Variants in MMP26 observed in about 807,000 individuals in gnomAD.
The protein encoded by MMP26 is matrix metalloproteinase-26.
A neutral mutation model predicts 31.0 loss-of-function variants in MMP26; 33 were observed. That is an observed-to-expected ratio of 1.06 (90% CI 0.81 to 1.42). The LOEUF (loss-of-function observed/expected upper bound fraction) is 1.42. Ranked by LOEUF, MMP26 falls within the 40% of genes most tolerant of loss-of-function variation. The pLI is 0.00. For missense variants in MMP26, 347 were observed against 316.1 expected, an observed-to-expected ratio of 1.10 and a Z score of -0.74; for synonymous variants, 122 against 114.9, an observed-to-expected ratio of 1.06 and a Z score of -0.40.
At chr11:4,763,337 A>G (rs1030872249) in intron 1 of MMP26, among the ~76,000 whole-genome samples, 3 of 152,224 alleles carry the variant, frequency 2.0e-5, no homozygotes, top group African/African-American at 7.2e-5. Flanking sequence ...TTCAGTTTTC[A>G]GTTTTGATCA....
intron 2 of MMP26, chr11:4,882,196 C>T (rs1221969586): frequency 6.2e-7 from 1 of 1,613,884 alleles, no homozygotes; most frequent in South Asian, 1.1e-5. Flanking sequence ...TTAAAGCTTG[C>T]TTCATTCAAA....
intron 2 of MMP26, among the ~76,000 whole-genome samples, chr11:4,892,887 T>G (rs1463386225): frequency 6.6e-6 from 1 of 152,166 alleles, no homozygotes; most frequent in African/African-American, 2.4e-5. Context: ...TTAATATTAA[T>G]TTAACATCTA....
chr11:4,862,960 A>G (rs1165882815), intron 2 of MMP26, among the ~76,000 whole-genome samples: 1 of 152,014 alleles, frequency 6.6e-6, no homozygotes, highest in Non-Finnish European at 1.5e-5. Flanking sequence ...TTTTTCTTTA[A>G]ATGTCAAGTG....
chr11:4,718,749 G>A (rs1847970043), intron 1 of MMP26: 2 of 157,522 alleles, frequency 1.3e-5, no homozygotes, highest in Middle Eastern at 5.1e-4. Context: ...GAAACAGCCT[G>A]ATCCTCTTTG....
intron 2 of MMP26, among the ~76,000 whole-genome samples, chr11:4,802,654 C>T (rs1231854878): frequency 1.3e-5 from 2 of 152,050 alleles, no homozygotes; most frequent in East Asian, 3.8e-4. Context: ...TTTAAAAATA[C>T]ACTAAAGTAT....
intron 2 of MMP26, among the ~76,000 whole-genome samples, chr11:4,783,810 C>T (rs116694024): frequency 4.7e-4 from 72 of 152,230 alleles, no homozygotes; most frequent in African/African-American, 1.6e-3. Flanking sequence ...TGATAAGGGG[C>T]AACCTGTTTC....
intron 1 of MMP26, among the ~76,000 whole-genome samples, chr11:4,749,620 G>C (rs532138604): frequency 7.7e-4 from 117 of 152,108 alleles, no homozygotes; most frequent in South Asian, 1.2e-3. Context: ...CAGAAATAAA[G>C]CCACATATCT....
At chr11:4,831,695 G>C (rs1473069284) in intron 2 of MMP26, among the ~76,000 whole-genome samples, 1 of 152,090 alleles carries the variant, frequency 6.6e-6, no homozygotes, top group Non-Finnish European at 1.5e-5. Context: ...TCTCCCTTAA[G>C]TGCTGTGACT....
At chr11:4,837,952 AAT>A (rs1287822390) in intron 2 of MMP26, among the ~76,000 whole-genome samples, 3 of 149,688 alleles carry the variant, frequency 2.0e-5, no homozygotes, top group South Asian at 2.1e-4. Flanking sequence ...AATTCATAAA[AAT>A]TTTAAAATAT....
At chr11:4,879,513 C>T (rs1157803876) in intron 2 of MMP26, among the ~76,000 whole-genome samples, 1 of 151,960 alleles carries the variant, frequency 6.6e-6, no homozygotes, top group African/African-American at 2.4e-5. Flanking sequence ...ATTTTGAGTA[C>T]CATTTCTGAA....
chr11:4,773,332 A>C (rs1311500092), intron 2 of MMP26, among the ~76,000 whole-genome samples: 1 of 152,182 alleles, frequency 6.6e-6, no homozygotes, highest in Non-Finnish European at 1.5e-5. Flanking sequence ...TGGCAAACCT[A>C]TGTGGCAAAA....
intron 2 of MMP26, among the ~76,000 whole-genome samples, chr11:4,836,808 C>T (rs1463975457): frequency 6.6e-6 from 1 of 151,212 alleles, no homozygotes; most frequent in Non-Finnish European, 1.5e-5. Context: ...TACAGGTGTG[C>T]ACCACCATGC....
At chr11:4,820,332 T>C (rs1849477896) in intron 2 of MMP26, among the ~76,000 whole-genome samples, 1 of 152,226 alleles carries the variant, frequency 6.6e-6, no homozygotes. Flanking sequence ...TTGGATCATA[T>C]TATGGATATG....
chr11:4,826,135 TA>T (rs768596222), intron 2 of MMP26, among the ~76,000 whole-genome samples: 74 of 152,158 alleles, frequency 4.9e-4, no homozygotes, highest in Non-Finnish European at 8.7e-4. Context: ...AGGTTTTCCA[TA>T]AATCTGCCCT....
chr11:4,989,051 T>C (rs567698453), intron 3 of MMP26, among the ~76,000 whole-genome samples: 1 of 152,330 alleles, frequency 6.6e-6, no homozygotes, highest in Non-Finnish European at 1.5e-5. Context: ...GTATTTTGAG[T>C]CCAGCTAGCA....
At chr11:4,714,073 C>T (rs1338374706) in intron 1 of MMP26, among the ~76,000 whole-genome samples, 1 of 152,080 alleles carries the variant, frequency 6.6e-6, no homozygotes, top group Non-Finnish European at 1.5e-5. Context: ...GAATACATCC[C>T]CAGCTCCTCA....
chr11:4,957,393 C>T (rs1167425713), intron 2 of MMP26, among the ~76,000 whole-genome samples: 1 of 152,192 alleles, frequency 6.6e-6, no homozygotes, highest in East Asian at 1.9e-4. Flanking sequence ...CATTATTCTA[C>T]AAAGGGCATC....
chr11:4,770,913 G>T (rs761743294), intron 2 of MMP26, among the ~76,000 whole-genome samples: 1 of 151,930 alleles, frequency 6.6e-6, no homozygotes, highest in Non-Finnish European at 1.5e-5. Flanking sequence ...AATTGCTTGC[G>T]CTGTGAAGCC....
At chr11:4,925,692 C>G (rs1344097390) in intron 2 of MMP26, among the ~76,000 whole-genome samples, 1 of 148,028 alleles carries the variant, frequency 6.8e-6, no homozygotes, top group Non-Finnish European at 1.5e-5. Context: ...AGAAAGGGGA[C>G]AGAGAATGGA....
Sources: gnomAD v4.1 joint callset for allele counts (sites outside exome capture counted in the v4.1 genomes callset) on GRCh38, gnomAD v4.1.1 for gene constraint, MANE v1.5 for transcripts, NCBI Gene and HGNC (gene_info 2026-07-23, HGNC 2026-07-21) for gene names.